LONP2: variants seen among roughly 807,000 people sequenced by gnomAD.
LONP2 encodes lon peptidase 2, peroxisomal.
A neutral mutation model predicts 85.6 loss-of-function variants in LONP2; 60 were observed. The observed-to-expected ratio is 0.70, with a 90% confidence interval of 0.57 to 0.87. The LOEUF (loss-of-function observed/expected upper bound fraction) is 0.87, where lower values mean the gene tolerates loss of function less well. Ranked by LOEUF, LONP2 falls within the 40% of genes least tolerant of loss-of-function variation. The pLI is 0.00. For missense variants in LONP2, 860 were observed against 1,063.5 expected (o/e 0.81, Z 2.66); for synonymous variants, 395 against 389.7 (o/e 1.01, Z -0.16).
intron 8 of LONP2, among the ~76,000 whole-genome samples, chr16:48,278,461 A>C (rs1034382706): frequency 6.6e-6 from 1 of 152,276 alleles, no homozygotes; most frequent in Non-Finnish European, 1.5e-5. Flanking sequence ...TTTCCTGAGA[A>C]AGCTTGCATG....
rs1209511881 is a variant in LONP2, at chr16:48,362,700, T to C, written c.*837T>C. 4 of 333,118 alleles carry C rather than the reference T, an allele frequency of 1.2e-5. No homozygotes were observed. In the South Asian group the frequency reaches 1.2e-4, roughly 10 times the overall value. 20.6% of individuals were successfully genotyped at this position (333,118 alleles called of 1,614,324 possible). On this transcript the variant is annotated 3_prime_UTR_variant, in exon 5 of 5. Coordinates refer to the LONP2 transcript ENST00000565867. This position sits in a 1 kb window ranked among gnomAD's most constrained non-coding sequence, Gnocchi z 4.2. ...CTTAATCGTCTTTGGATAGACTACA[T>C]AGAATAATAAATGCTAAAATAGAAA...
At position 48,294,140 on chromosome 16, in the gene LONP2, C is replaced by A. The variant is rs368363452; in HGVS notation, c.1384-1875C>A. 8.2e-4 allele frequency among the ~76,000 whole-genome samples: 125 copies of A among 152,122 alleles called. 1 individual carries two copies. The Middle Eastern group carries it at 0.024, about 29-fold the overall frequency. ...TTTTTTAGTAGAGACAGAGTTTCAC[C>A]ATGTTGGCTAGGCTGGTCTCAAACA... On this transcript the variant is annotated intron_variant, in intron 8 of 14. Coordinates refer to ENST00000285737, the MANE Select transcript of LONP2 (RefSeq NM_031490.5).
chr16:48,253,958 C>A (rs1268767469), intron 2 of LONP2, among the ~76,000 whole-genome samples: 1 of 152,140 alleles, frequency 6.6e-6, no homozygotes, highest in African/African-American at 2.4e-5. Flanking sequence ...TATAATTTCT[C>A]TTTTTAGACA....
intron 4 of LONP2, 143 bp downstream of exon 4, chr16:48,258,883 C>G: frequency 1.3e-6 from 1 of 753,692 alleles, no homozygotes; most frequent in Non-Finnish European, 1.9e-6. Flanking sequence ...TTTTCTTTGC[C>G]TGGATTTTTT....
At chr16:48,317,110 C>T (rs1270362511) in intron 11 of LONP2, among the ~76,000 whole-genome samples, 1 of 152,048 alleles carries the variant, frequency 6.6e-6, no homozygotes, top group African/African-American at 2.4e-5. Flanking sequence ...CGTGGGTGAC[C>T]CTTACTTCTA....
chr16:48,347,986 T>C, intron 13 of LONP2, 114 bp from the exon 14 acceptor site: 4 of 989,434 alleles, frequency 4.0e-6, no homozygotes, highest in Non-Finnish European at 6.0e-6. Flanking sequence ...TCCACCAATA[T>C]TTTGAAGAAT....
At chr16:48,288,327 G>A (rs1008214674) in intron 8 of LONP2, among the ~76,000 whole-genome samples, 2 of 151,700 alleles carry the variant, frequency 1.3e-5, no homozygotes, top group Non-Finnish European at 2.9e-5. Context: ...CTAATTTTTT[G>A]TATCTTTAGT....
intron 5 of LONP2, 67 bp downstream of exon 5, chr16:48,261,654 C>T (rs2150969750): frequency 8.4e-7 from 1 of 1,192,570 alleles, no homozygotes; most frequent in African/African-American, 1.6e-5. Flanking sequence ...ACACCACTTT[C>T]ACTACTCTTT....
chr16:48,282,453 C>A (rs1425444651), intron 8 of LONP2, among the ~76,000 whole-genome samples: 1 of 151,868 alleles, frequency 6.6e-6, no homozygotes, highest in African/African-American at 2.4e-5. Flanking sequence ...TATGGCAACC[C>A]CGTGTCAAGC....
chr16:48,266,285 G>A (rs991028954), intron 6 of LONP2, among the ~76,000 whole-genome samples: 2 of 151,476 alleles, frequency 1.3e-5, no homozygotes, highest in African/African-American at 4.8e-5. Flanking sequence ...GATTACAAAC[G>A]TGAGCCACTG....
At chr16:48,308,752 T>G (rs1972967446) in intron 11 of LONP2, among the ~76,000 whole-genome samples, 1 of 151,980 alleles carries the variant, frequency 6.6e-6, no homozygotes, top group South Asian at 2.1e-4. Context: ...AACAAAGAGT[T>G]CATGACTAAG....
intron 4 of LONP2, among the ~76,000 whole-genome samples, chr16:48,258,976 T>C (rs1971820999): frequency 6.6e-6 from 1 of 152,204 alleles, no homozygotes; most frequent in Admixed American, 6.5e-5. Flanking sequence ...CCCTTTTGTG[T>C]TGTTTCCAAT....
Position 48,244,501 on chromosome 16 carries a change from A to G in LONP2, c.113A>G (p.Asn38Ser), listed in dbSNP as rs765732257. Residue 38 changes from asparagine (N) to serine (S), a missense_variant, in exon 1 of 15, where the codon AAC (asparagine) becomes AGC (serine). Coordinates refer to ENST00000285737, the MANE Select transcript of LONP2 (RefSeq NM_031490.5). ...CGCACCAGCGTGGACTCGGCCCGCA[A>G]CCTGCAGCTGGTGCGGAGCCGCCTT... ...TMRTSVDSARNLQLVRSRLLK... is the reference protein window; with the variant it reads ...TMRTSVDSARSLQLVRSRLLK... 5.3e-5 allele frequency: 85 copies of G among 1,597,172 alleles called. No individual in the cohort carries two copies. Among genetic ancestry groups the G allele is most frequent in the Non-Finnish European group, 7.1e-5 (83 of 1,175,726 alleles).
At position 48,273,216 on chromosome 16, in the gene LONP2, G is replaced by A. The variant is rs578202413; in HGVS notation, c.1241+2942G>A. ...TGTTATTGTCCTTGCTTATCCTCTC[G>A]ATTTTGCCACTCACTCTCCCTGTTT... On this transcript the variant is annotated intron_variant, in intron 7 of 14. Transcript: ENST00000285737. 3.2e-4 allele frequency among the ~76,000 whole-genome samples: 49 copies of A among 152,244 alleles called. 2 individuals are homozygous for A. In the South Asian group the frequency reaches 8.5e-3, roughly 26 times the overall value.
At chr16:48,299,362 A>C (rs1596961979) in intron 9 of LONP2, among the ~76,000 whole-genome samples, 1 of 151,836 alleles carries the variant, frequency 6.6e-6, no homozygotes, top group South Asian at 2.1e-4. Flanking sequence ...AGGCTGGTGG[A>C]TCACTTGAGG....
At chr16:48,293,830 G>A (rs183350838) in intron 8 of LONP2, among the ~76,000 whole-genome samples, 28 of 152,286 alleles carry the variant, frequency 1.8e-4, no homozygotes, top group African/African-American at 6.5e-4. Context: ...GGACTCAGAG[G>A]AGCCTGACTC....
chr16:48,259,847 C>T (rs924916643), intron 4 of LONP2, among the ~76,000 whole-genome samples: 1 of 152,146 alleles, frequency 6.6e-6, no homozygotes, highest in African/African-American at 2.4e-5. Flanking sequence ...GAGACAAATC[C>T]ACTGGGAGTT....
intron 8 of LONP2, 37 bp downstream of exon 8, chr16:48,277,516 G>GTAT: frequency 6.3e-7 from 1 of 1,589,448 alleles, no homozygotes; most frequent in Non-Finnish European, 8.6e-7. Context: ...TCTTCATACT[G>GTAT]GAAGAGTATG....
chr16:48,291,578 G>C (rs1972557609), intron 8 of LONP2, among the ~76,000 whole-genome samples: 1 of 152,212 alleles, frequency 6.6e-6, no homozygotes, highest in Non-Finnish European at 1.5e-5. Flanking sequence ...TTTGTAGGTA[G>C]GAATTATAGT....
Sources: allele counts gnomAD v4.1 joint callset (sites outside exome capture counted in the v4.1 genomes callset), GRCh38; gene constraint gnomAD v4.1.1; non-coding constraint Gnocchi (gnomAD v3.1); transcripts MANE v1.5; gene names NCBI Gene and HGNC (gene_info 2026-07-23, HGNC 2026-07-21).